The following MALRD1 variants were observed in gnomAD, a reference collection of about 807,000 sequenced individuals.
The protein encoded by MALRD1 is MAM and LDL-receptor class A domain-containing protein 1.
MALRD1 carries 247 observed loss-of-function variants against 242.1 expected under a neutral mutation model. The observed-to-expected ratio is 1.02, with a 90% CI of 0.92 to 1.13. MALRD1 has a LOEUF of 1.13. MALRD1 is among the 50% of genes most tolerant of loss of function. The pLI is 0.00. For synonymous variants in MALRD1, 995 were observed against 866.6 expected, an observed-to-expected ratio of 1.15 and a Z score of -2.60; for missense variants, 2,989 against 2,533.1, an observed-to-expected ratio of 1.18 and a Z score of -3.86.
intron 32 of MALRD1, among the ~76,000 whole-genome samples, chr10:19,556,149 A>G (rs879904505): frequency 2.0e-5 from 3 of 152,172 alleles, no homozygotes; most frequent in African/African-American, 7.2e-5. Flanking sequence ...GGTTTATAGG[A>G]AAACTGAGTG....
At chr10:19,125,123 T>G (rs1837211741) in intron 7 of MALRD1, among the ~76,000 whole-genome samples, 1 of 151,404 alleles carries the variant, frequency 6.6e-6, no homozygotes, top group African/African-American at 2.4e-5. Context: ...TTTTTGAATT[T>G]TTAGTGGAGA....
chr10:19,599,190 T>C (rs1365734935), intron 34 of MALRD1, among the ~76,000 whole-genome samples: 1 of 152,182 alleles, frequency 6.6e-6, no homozygotes, highest in Non-Finnish European at 1.5e-5. Context: ...GGCTTTCTCA[T>C]GTTTAAATGT....
chr10:19,288,490 A>G (rs1290448313), intron 21 of MALRD1, among the ~76,000 whole-genome samples: 1 of 151,554 alleles, frequency 6.6e-6, no homozygotes, highest in Non-Finnish European at 1.5e-5. Context: ...CTTCTTTTTC[A>G]TGTGTCATTT....
chr10:19,441,697 T>A (rs1834661768), intron 28 of MALRD1, among the ~76,000 whole-genome samples: 1 of 152,118 alleles, frequency 6.6e-6, no homozygotes, highest in South Asian at 2.1e-4. Flanking sequence ...CTATATCTGT[T>A]TTTTGGTACC....
At chr10:19,284,135 A>G (rs975756691) in intron 21 of MALRD1, among the ~76,000 whole-genome samples, 6 of 152,194 alleles carry the variant, frequency 3.9e-5, no homozygotes, top group African/African-American at 1.2e-4. Flanking sequence ...TAACAAATGT[A>G]ATATTTTTCT....
intron 32 of MALRD1, among the ~76,000 whole-genome samples, chr10:19,539,113 C>T (rs1174728124): frequency 6.6e-6 from 1 of 152,160 alleles, no homozygotes. Context: ...ATATCAGAGT[C>T]AGACTTAATA....
At chr10:19,138,438 G>A (rs8181287) in intron 10 of MALRD1, among the ~76,000 whole-genome samples, 1 of 137,700 alleles carries the variant, frequency 7.3e-6, no homozygotes. Flanking sequence ...TTTTTTTTTT[G>A]GGGACAGAGT....
At chr10:19,165,265 A>ATATATATATATATATATATTTTTTTTTTT in intron 12 of MALRD1, among the ~76,000 whole-genome samples, 2 of 130,286 alleles carry the variant, frequency 1.5e-5, no homozygotes, top group African/African-American at 6.5e-5. Flanking sequence ...ATATATATAT[A>ATATATATATATATATATATTTTTTTTTTT]TTTTGTTTTG....
chr10:19,084,844 G>A (rs1835613765), intron 2 of MALRD1, among the ~76,000 whole-genome samples: 1 of 151,902 alleles, frequency 6.6e-6, no homozygotes, highest in Admixed American at 6.6e-5. Context: ...GACTATAAAT[G>A]AAATTATGCT....
At chr10:19,725,392 A>G (rs7090887) in intron 38 of MALRD1, among the ~76,000 whole-genome samples, 84,081 of 151,868 alleles carry the variant, frequency 0.55, 23,407 homozygotes, top group South Asian at 0.63. Context: ...AGAAGGGCAT[A>G]TTTGCTTCCC....
At chr10:19,148,774 A>T (rs1338942910) in intron 11 of MALRD1, among the ~76,000 whole-genome samples, 1 of 78,234 alleles carries the variant, frequency 1.3e-5, no homozygotes, top group African/African-American at 4.9e-5. Flanking sequence ...AGGGCCAATT[A>T]AAAAAAAAAA....
chr10:19,104,524 T>G (rs1241267722), intron 5 of MALRD1, among the ~76,000 whole-genome samples: 3 of 152,138 alleles, frequency 2.0e-5, no homozygotes, highest in African/African-American at 7.2e-5. Context: ...ATATCAGATA[T>G]AAATTTTTAT....
intron 5 of MALRD1, among the ~76,000 whole-genome samples, chr10:19,104,299 G>T (rs1377115520): frequency 1.3e-5 from 2 of 152,122 alleles, no homozygotes; most frequent in Non-Finnish European, 2.9e-5. Flanking sequence ...GGATAATTTA[G>T]TCTCAAACTT....
At chr10:19,397,340 G>T (rs74524782) in intron 28 of MALRD1, among the ~76,000 whole-genome samples, 3 of 152,004 alleles carry the variant, frequency 2.0e-5, no homozygotes, top group Admixed American at 1.3e-4. Flanking sequence ...AGATCATGAG[G>T]TGTCTTTCTG....
At chr10:19,404,065 CTA>C (rs1466473535) in intron 28 of MALRD1, among the ~76,000 whole-genome samples, 1 of 151,934 alleles carries the variant, frequency 6.6e-6, no homozygotes, top group Non-Finnish European at 1.5e-5. Context: ...AGAAGATAAA[CTA>C]AAAATATAGT....
At chr10:19,680,647 A>G (rs1842328706) in intron 36 of MALRD1, among the ~76,000 whole-genome samples, 1 of 152,114 alleles carries the variant, frequency 6.6e-6, no homozygotes, top group African/African-American at 2.4e-5. Context: ...TTTAAAGTTA[A>G]TATTGTTATA....
chr10:19,113,824 C>G (rs1448437498), intron 5 of MALRD1, among the ~76,000 whole-genome samples: 3 of 147,750 alleles, frequency 2.0e-5, no homozygotes, highest in Non-Finnish European at 3.1e-5. Flanking sequence ...CACACACACA[C>G]ACACACAGAC....
At chr10:19,572,261 G>C (rs1399203161) in intron 33 of MALRD1, among the ~76,000 whole-genome samples, 1 of 152,142 alleles carries the variant, frequency 6.6e-6, no homozygotes, top group Admixed American at 6.5e-5. Flanking sequence ...TATTTGTATT[G>C]CATCTGTTTT....
At chr10:19,147,258 A>T (rs1387032658) in intron 11 of MALRD1, among the ~76,000 whole-genome samples, 1 of 152,198 alleles carries the variant, frequency 6.6e-6, no homozygotes, top group Non-Finnish European at 1.5e-5. Context: ...AAAGAATTAT[A>T]CCAAAAATAA....
Sources: allele counts gnomAD v4.1 joint callset (sites outside exome capture counted in the v4.1 genomes callset), GRCh38; gene constraint gnomAD v4.1.1; transcripts MANE v1.5; gene names NCBI Gene and HGNC (gene_info 2026-07-23, HGNC 2026-07-21).